The following RNF121 variants were observed in gnomAD, a reference collection of about 807,000 sequenced individuals.
RNF121 encodes ring finger protein 121.
RNF121 carries 21 observed loss-of-function variants against 46.5 expected under a neutral mutation model. The observed-to-expected ratio is 0.45, with a 90% confidence interval of 0.32 to 0.65. The LOEUF (loss-of-function observed/expected upper bound fraction) is 0.65, where lower values mean the gene tolerates loss of function less well. Among genes scored for constraint, RNF121 ranks in the 30% least tolerant of loss-of-function variants. The pLI is 0.04. For missense variants in RNF121, 346 were observed against 416.0 expected, an observed-to-expected ratio of 0.83 and a Z score of 1.46; for synonymous variants, 139 against 144.7, an observed-to-expected ratio of 0.96 and a Z score of 0.28.
intron 2 of RNF121, among the ~76,000 whole-genome samples, chr11:71,957,864 G>A (rs966539125): frequency 2.0e-5 from 3 of 152,090 alleles, no homozygotes; most frequent in Admixed American, 6.5e-5. Context: ...CCTGCCCCAC[G>A]AACTTCACAA....
chr11:71,995,079 G>A (rs1279017275), intron 7 of RNF121, among the ~76,000 whole-genome samples: 3 of 152,244 alleles, frequency 2.0e-5, no homozygotes, highest in Non-Finnish European at 4.4e-5. Flanking sequence ...GCTGCAGCTA[G>A]TGAGGCTGTG....
chr11:71,962,823 G>A (rs1306063996), intron 3 of RNF121, among the ~76,000 whole-genome samples: 18 of 152,122 alleles, frequency 1.2e-4, no homozygotes, highest in Non-Finnish European at 1.5e-5. Context: ...CCTAACGTGG[G>A]TTGGGTTTTC....
chr11:71,985,026 A>G (rs970339733), intron 4 of RNF121, among the ~76,000 whole-genome samples: 1 of 151,974 alleles, frequency 6.6e-6, no homozygotes, highest in African/African-American at 2.4e-5. Context: ...GGCTCAACCA[A>G]TTTTCCCATC....
intron 1 of RNF121, among the ~76,000 whole-genome samples, chr11:71,952,793 G>C (rs1006674567): frequency 1.2e-4 from 16 of 137,474 alleles, no homozygotes; most frequent in Non-Finnish European, 1.6e-5. Flanking sequence ...GGGCGATAGA[G>C]CAAGACTCTG....
rs923534211 is a variant in RNF121 at position 71,931,345 on chromosome 11, A to G, written c.63+2221A>G. 2.0e-5 allele frequency among the ~76,000 whole-genome samples: 3 copies of G among 152,178 alleles called. 1 individual carries two copies. The highest frequency in any genetic ancestry group is 4.4e-5 in the Non-Finnish European group (3 of 68,026). On this transcript the variant is annotated intron_variant, in intron 1 of 8. Coordinates refer to ENST00000361756, the MANE Select transcript of RNF121 (RefSeq NM_018320.5). ...AAAAGGTATAATCTGTTGTCTGGAA[A>G]TTCCGTGTGGACTGGTTCTATCTTT...
At chr11:71,948,514 A>C (rs895587799) in intron 1 of RNF121, among the ~76,000 whole-genome samples, 3 of 43,350 alleles carry the variant, frequency 6.9e-5, no homozygotes, top group African/African-American at 2.1e-4. Context: ...AACTGTCTCC[A>C]AAAAAAAAAA....
intron 3 of RNF121, among the ~76,000 whole-genome samples, chr11:71,976,791 A>G (rs1954535608): frequency 6.6e-6 from 1 of 152,130 alleles, no homozygotes; most frequent in Non-Finnish European, 1.5e-5. Flanking sequence ...CTATTAAGCC[A>G]TTCCTTCCCC....
At chr11:71,945,360 C>A (rs1398822313) in intron 1 of RNF121, among the ~76,000 whole-genome samples, 2 of 152,136 alleles carry the variant, frequency 1.3e-5, no homozygotes, top group African/African-American at 4.8e-5. Context: ...CAAAAGGAGT[C>A]ACTTTTAAAC....
At chr11:71,985,466 ACCGTGTCTCT>A (rs1954754250) in intron 4 of RNF121, among the ~76,000 whole-genome samples, 1 of 152,124 alleles carries the variant, frequency 6.6e-6, no homozygotes, top group Admixed American at 6.5e-5. Context: ...CATCCTTTTC[ACCGTGTCTCT>A]CTCTTTTGTG....
intron 2 of RNF121, among the ~76,000 whole-genome samples, chr11:71,959,854 G>A (rs988256821): frequency 1.3e-5 from 2 of 151,972 alleles, no homozygotes; most frequent in Non-Finnish European, 2.9e-5. Context: ...CAGGCTCATC[G>A]TTAACTCCTG....
chr11:71,981,773 A>G (rs886161540), intron 3 of RNF121, among the ~76,000 whole-genome samples: 1 of 152,204 alleles, frequency 6.6e-6, no homozygotes, highest in Non-Finnish European at 1.5e-5. Context: ...CCTCTTACTT[A>G]TCGGAATTTA....
chr11:71,962,400 T>G (rs2134179071), intron 3 of RNF121: 1 of 542,718 alleles, frequency 1.8e-6, no homozygotes, highest in Non-Finnish European at 2.3e-6. Context: ...GGGAAACAGT[T>G]AAGAGGCTGC....
intron 3 of RNF121, among the ~76,000 whole-genome samples, chr11:71,969,550 T>C (rs939389548): frequency 1.3e-5 from 2 of 152,166 alleles, no homozygotes; most frequent in East Asian, 1.9e-4. Flanking sequence ...ATTACGTATA[T>C]GTGTGATAAA....
intron 1 of RNF121, among the ~76,000 whole-genome samples, chr11:71,952,997 A>G (rs189674371): frequency 1.3e-5 from 2 of 152,330 alleles, no homozygotes; most frequent in African/African-American, 2.4e-5. Context: ...AAGAAAAAAC[A>G]TATTCCTCTT....
chr11:71,960,681 C>G, intron 2 of RNF121, 69 bp from the exon 3 acceptor site: 1 of 1,553,400 alleles, frequency 6.4e-7, no homozygotes, highest in Non-Finnish European at 8.8e-7. Context: ...TGGGATATCC[C>G]TGGAAAGCAC....
intron 2 of RNF121, among the ~76,000 whole-genome samples, chr11:71,959,615 C>T (rs1954078813): frequency 6.7e-6 from 1 of 149,882 alleles, no homozygotes; most frequent in Middle Eastern, 3.2e-3. Flanking sequence ...TCTCTAATTC[C>T]TTCTCTTCTC....
intron 1 of RNF121, among the ~76,000 whole-genome samples, chr11:71,930,966 G>A (rs1953265576): frequency 1.3e-5 from 2 of 152,090 alleles, no homozygotes; most frequent in Non-Finnish European, 2.9e-5. Context: ...CTGAGTAGCT[G>A]GGATTACAGG....
chr11:71,973,173 T>G, intron 3 of RNF121, among the ~76,000 whole-genome samples: 3 of 140,982 alleles, frequency 2.1e-5, no homozygotes, highest in African/African-American at 5.4e-5. Flanking sequence ...GCAACAAGAG[T>G]GAAACTCCAT....
chr11:71,993,118 A>C (rs556192958), intron 6 of RNF121, among the ~76,000 whole-genome samples: 28 of 152,316 alleles, frequency 1.8e-4, no homozygotes, highest in Middle Eastern at 6.8e-3. Flanking sequence ...ACAGTTTATT[A>C]GGTTCCTTTT....
Sources: gnomAD v4.1 joint callset for allele counts (sites outside exome capture counted in the v4.1 genomes callset) on GRCh38, gnomAD v4.1.1 for gene constraint, MANE v1.5 for transcripts, NCBI Gene and HGNC (gene_info 2026-07-23, HGNC 2026-07-21) for gene names.